The following MPDZ variants were observed in gnomAD, a reference collection of about 807,000 sequenced individuals.
MPDZ encodes the protein multiple PDZ domain protein.
MPDZ carries 234 observed loss-of-function variants against 239.1 expected under a neutral mutation model. The observed-to-expected ratio is 0.98, with a 90% confidence interval of 0.88 to 1.09. The LOEUF (loss-of-function observed/expected upper bound fraction) is 1.09. Ranked by LOEUF, MPDZ falls within the 50% of genes least tolerant of loss-of-function variation. The pLI is 0.00. For missense variants in MPDZ, 3,175 were observed against 2,510.0 expected, an observed-to-expected ratio of 1.26 and a Z score of -5.66; for synonymous variants, 1,048 against 881.3, an observed-to-expected ratio of 1.19 and a Z score of -3.35.
intron 23 of MPDZ, among the ~76,000 whole-genome samples, chr9:13,160,830 T>TTATACATA (rs1161748804): frequency 6.3e-4 from 24 of 37,990 alleles, no homozygotes; most frequent in East Asian, 6.0e-3. Context: ...ATTATTAAAA[T>TTATACATA]TATATATATA....
At chr9:13,185,388 A>T (rs1314432817) in intron 18 of MPDZ, among the ~76,000 whole-genome samples, 1 of 152,122 alleles carries the variant, frequency 6.6e-6, no homozygotes, top group African/African-American at 2.4e-5. Context: ...AGTTATAAAC[A>T]CATAATGAAG....
chr9:13,111,921 T>G (rs41265278), intron 43 of MPDZ, 103 bp downstream of exon 43: 167 of 1,169,288 alleles, frequency 1.4e-4, no homozygotes, highest in Non-Finnish European at 1.9e-4. Context: ...AAAGTAAATA[T>G]AGATATTTAA....
intron 13 of MPDZ, among the ~76,000 whole-genome samples, chr9:13,194,213 C>T (rs2135172172): frequency 6.6e-6 from 1 of 152,126 alleles, no homozygotes; most frequent in African/African-American, 2.4e-5. Flanking sequence ...TGCCAAGGCC[C>T]ATAAATATCT....
At chr9:13,126,292 G>A (rs944399618) in intron 34 of MPDZ, among the ~76,000 whole-genome samples, 2 of 152,136 alleles carry the variant, frequency 1.3e-5, no homozygotes, top group Non-Finnish European at 2.9e-5. Context: ...TATCAAAACT[G>A]CCCAGTGAAT....
intron 10 of MPDZ, among the ~76,000 whole-genome samples, chr9:13,210,992 G>T (rs1243367344): frequency 6.6e-6 from 1 of 151,986 alleles, no homozygotes; most frequent in East Asian, 1.9e-4. Flanking sequence ...CACCATAAAA[G>T]CCAAAATAAG....
intron 30 of MPDZ, 38 bp from the exon 31 acceptor site, chr9:13,136,220 G>T (rs746184852): frequency 7.2e-7 from 1 of 1,388,382 alleles, no homozygotes; most frequent in Non-Finnish European, 1.0e-6. Flanking sequence ...ATAACATCAT[G>T]GTATTATTTT....
intron 21 of MPDZ, among the ~76,000 whole-genome samples, chr9:13,172,974 C>T (rs1224619275): frequency 2.0e-5 from 3 of 152,212 alleles, no homozygotes; most frequent in Admixed American, 2.0e-4. Context: ...GAAATTCTGA[C>T]ACATGCTACA....
intron 35 of MPDZ, among the ~76,000 whole-genome samples, chr9:13,123,604 A>G (rs1434931907): frequency 6.6e-6 from 1 of 152,174 alleles, no homozygotes; most frequent in East Asian, 1.9e-4. Context: ...AGAAGAGAGA[A>G]CAGAATTAAA....
chr9:13,209,711 T>C (rs1165274704), intron 10 of MPDZ, among the ~76,000 whole-genome samples: 1 of 152,134 alleles, frequency 6.6e-6, no homozygotes, highest in Non-Finnish European at 1.5e-5. Context: ...CATTTCCTTG[T>C]ATTTATGGAA....
intron 10 of MPDZ, among the ~76,000 whole-genome samples, chr9:13,216,205 C>A (rs1958314078): frequency 6.6e-6 from 1 of 151,398 alleles, no homozygotes; most frequent in South Asian, 2.1e-4. Context: ...TAAAGTTGGG[C>A]TCTTCTGTAC....
chr9:13,223,539 CA>C, intron 5 of MPDZ, 31 bp downstream of exon 5: 1 of 1,570,120 alleles, frequency 6.4e-7, no homozygotes, highest in Non-Finnish European at 8.6e-7. Context: ...AATGTGGGAT[CA>C]AAAACAAAGA....
chr9:13,176,020 C>A, intron 20 of MPDZ, 116 bp downstream of exon 20: 1 of 1,424,360 alleles, frequency 7.0e-7, no homozygotes, highest in Non-Finnish European at 9.3e-7. Flanking sequence ...AGGTTGCCTT[C>A]TGAAAATCTT....
At chr9:13,140,401 T>C (rs896648636) in intron 27 of MPDZ, among the ~76,000 whole-genome samples, 16 of 142,564 alleles carry the variant, frequency 1.1e-4, no homozygotes, top group African/African-American at 4.1e-4. Context: ...TACATATATA[T>C]ATATATATGT....
At chr9:13,201,484 GCTA>G (rs1289618022) in intron 12 of MPDZ, among the ~76,000 whole-genome samples, 14 of 151,952 alleles carry the variant, frequency 9.2e-5, no homozygotes, top group African/African-American at 3.4e-4. Flanking sequence ...GAAATTTTCA[GCTA>G]CTATTTCCTT....
Position 13,165,548 on chromosome 9 carries a change from C to G in MPDZ, c.3255-2753G>C, listed in dbSNP as rs1206908816. 3.6e-6 allele frequency: 3 copies of G among 835,572 alleles called. No individual in the cohort carries two copies. In the African/African-American group the frequency reaches 5.1e-5, roughly 14 times the overall value. 51.8% of individuals were successfully genotyped at this position (835,572 alleles called of 1,614,324 possible). ...TGTTTTTTTTCCCCCTTTCCACCTCCCTCCCATCTACACCTCCCCCAGAAA... is the reference window on the plus strand; with the variant it reads ...TGTTTTTTTTCCCCCTTTCCACCTCGCTCCCATCTACACCTCCCCCAGAAA... On this transcript the variant is annotated intron_variant, in intron 22 of 46. Transcript: ENST00000319217.
At position 13,155,995 on chromosome 9, in the gene MPDZ, G is replaced by A. The variant is rs543675129; in HGVS notation, c.3452+2023C>T. ...AGGTTAAAAGCATAAAAATTTTCCA[G>A]TCCAGAAGTTATGTTCTTCTTTCTC... is the stretch of plus-strand genomic sequence containing the variant. On this transcript the variant is annotated intron_variant, in intron 24 of 46. Coordinates refer to ENST00000319217, the MANE Select transcript of MPDZ (RefSeq NM_001378778.1). 5.9e-5 allele frequency among the ~76,000 whole-genome samples: 9 copies of A among 152,256 alleles called. No homozygotes were observed. The South Asian group carries it at 1.9e-3, about 32-fold the overall frequency.
intron 12 of MPDZ, among the ~76,000 whole-genome samples, chr9:13,196,499 C>T (rs902927885): frequency 6.6e-6 from 1 of 152,080 alleles, no homozygotes; most frequent in Non-Finnish European, 1.5e-5. Context: ...TTTATTTAAA[C>T]GAGTAAGGAC....
At chr9:13,165,682 G>T (rs1348263824) in intron 22 of MPDZ, among the ~76,000 whole-genome samples, 2 of 152,096 alleles carry the variant, frequency 1.3e-5, no homozygotes, top group African/African-American at 4.8e-5. Flanking sequence ...CCACACTTTA[G>T]GTTAAGGCAG....
chr9:13,259,328 T>C (rs1032191771), intron 1 of MPDZ, among the ~76,000 whole-genome samples: 5 of 151,874 alleles, frequency 3.3e-5, no homozygotes, highest in African/African-American at 1.2e-4. Flanking sequence ...AGCAAGAGTC[T>C]GTCTCGGAAA....
Sources: gnomAD v4.1 joint callset for allele counts (sites outside exome capture counted in the v4.1 genomes callset) on GRCh38, gnomAD v4.1.1 for gene constraint, MANE v1.5 for transcripts, NCBI Gene and HGNC (gene_info 2026-07-23, HGNC 2026-07-21) for gene names.